The following DBH variants were observed in gnomAD, a reference collection of about 807,000 sequenced individuals.
The protein encoded by DBH is dopamine beta-hydroxylase (dopamine beta-monooxygenase).
Under a neutral mutation model 64.0 loss-of-function variants are expected in DBH, and 49 were observed. That is an observed-to-expected ratio of 0.77 (90% CI 0.61 to 0.97). DBH has a LOEUF of 0.97. Ranked by LOEUF, DBH falls within the 50% of genes least tolerant of loss-of-function variation. The pLI is 0.00. For missense variants in DBH, 828 were observed against 826.6 expected (o/e 1.00, Z -0.02); for synonymous variants, 343 against 347.1 (o/e 0.99, Z 0.13).
chr9:133,648,978 C>T (rs901990397), intron 6 of DBH, among the ~76,000 whole-genome samples: 1 of 152,212 alleles, frequency 6.6e-6, no homozygotes, highest in African/African-American at 2.4e-5. Flanking sequence ...TTGCAAAATG[C>T]CCCTCAGAAA....
At chr9:133,652,018 T>C (rs1228098289) in intron 7 of DBH, among the ~76,000 whole-genome samples, 2 of 152,064 alleles carry the variant, frequency 1.3e-5, no homozygotes, top group Non-Finnish European at 2.9e-5. Context: ...CAGGCGGCCC[T>C]CTGGGAACAT....
At position 133,636,726 on chromosome 9, in the gene DBH, C is replaced by T. The variant is rs746540470; in HGVS notation, c.339+16C>T. 1.1e-5 allele frequency: 18 copies of T among 1,596,842 alleles called. No individual in the cohort carries two copies. Among genetic ancestry groups the T allele is most frequent in the Non-Finnish European group, 1.4e-5 (17 of 1,177,640 alleles). Reference sequence around the variant, plus strand: ...CTATTTTGCGGTGAGTCTCTCCTCCCTGCCAGCTCTCCAAACCCTTCCTGA... The same window carrying T: ...CTATTTTGCGGTGAGTCTCTCCTCCTTGCCAGCTCTCCAAACCCTTCCTGA... On this transcript the variant is annotated intron_variant, in intron 1 of 11. Coordinates refer to ENST00000393056, the MANE Select transcript of DBH (RefSeq NM_000787.4).
chr9:133,643,513 C>T lies in DBH; in HGVS notation c.845C>T (p.Pro282Leu). Residue 282 changes from proline (P) to leucine (L), a missense_variant, in exon 4 of 12, where the codon CCC (proline) becomes CTC (leucine). Physicochemically the swap from Pro to Leu is moderately conservative, Grantham distance 98. Transcript: ENST00000393056. The surrounding 1 kb of genome is among the most constrained non-coding windows in gnomAD (Gnocchi z 5.3). Reference protein sequence around the residue: ...EMDSVPHFSGPCDSKMKPDRL... With the variant: ...EMDSVPHFSGLCDSKMKPDRL... The stretch of plus-strand genomic sequence containing the variant: ...GACAGCGTCCCCCACTTCAGCGGGC[C>T]CTGCGACTCCAAGATGAAACCCGAC... 3 of 1,613,816 alleles carry T rather than the reference C, an allele frequency of 1.9e-6. No homozygotes were observed. In the South Asian group the frequency reaches 3.3e-5, roughly 18 times the overall value.
chr9:133,641,973 G>A (rs1461535206), intron 2 of DBH, among the ~76,000 whole-genome samples: 4 of 152,234 alleles, frequency 2.6e-5, no homozygotes, highest in South Asian at 4.1e-4. Flanking sequence ...GGTGGAATGT[G>A]TTTAGAAGAG....
intron 1 of DBH, 50 bp downstream of exon 1, chr9:133,636,760 C>T: frequency 1.3e-6 from 2 of 1,532,190 alleles, no homozygotes; most frequent in Non-Finnish European, 1.8e-6. Flanking sequence ...GACCCGGCAC[C>T]CCATCTGGCC....
At chr9:133,648,163 C>A in intron 6 of DBH, 151 bp downstream of exon 6, 1 of 917,806 alleles carries the variant, frequency 1.1e-6, no homozygotes, top group Non-Finnish European at 1.7e-6. Context: ...TTTCTGTATG[C>A]AAGGGAACCC....
At position 133,636,523 on chromosome 9, in the gene DBH, T is replaced by A; in HGVS notation, c.152T>A (p.Ile51Asn). 6.2e-7 allele frequency: 1 copy of A among 1,613,110 alleles called. No homozygotes were observed. Among genetic ancestry groups the A allele is most frequent in the Non-Finnish European group, 8.5e-7 (1 of 1,179,930 alleles). Residue 51 changes from isoleucine to asparagine, a missense_variant, in exon 1 of 12, where the codon ATC becomes AAC. By Grantham distance (149) the Ile-to-Asn change is moderately radical. Transcript: ENST00000393056. ...CGTGAGAGCCCCCTCCCCTATCACA[T>A]CCCCCTGGACCCGGAGGGGTCCCTG... ...APRESPLPYH[I>N]PLDPEGSLEL...
intron 5 of DBH, among the ~76,000 whole-genome samples, chr9:133,645,618 G>C (rs1189426219): frequency 2.0e-5 from 3 of 152,150 alleles, no homozygotes; most frequent in Non-Finnish European, 4.4e-5. Flanking sequence ...AATCAGCCTG[G>C]AGATACAGGA....
chr9:133,657,234 G>A lies in DBH; in HGVS notation c.1722+5G>A, dbSNP rs201504077. The A allele has an allele frequency of 3.2e-5, 51 of 1,613,546 alleles. No homozygotes were observed. Among genetic ancestry groups the A allele is most frequent in the Admixed American group, 2.3e-4 (14 of 60,026 alleles). The stretch of plus-strand genomic sequence containing the variant: ...TCCTCAGCCGTCCGCTTCCAGGTGC[G>A]CTGCCATGGGCCCGGGTGGGGCATG... On this transcript the variant is annotated splice_donor_5th_base_variant and intron_variant, in intron 11 of 11. Transcript: ENST00000393056.
At chr9:133,640,254 C>A (rs1052484524) in intron 2 of DBH, among the ~76,000 whole-genome samples, 2 of 152,202 alleles carry the variant, frequency 1.3e-5, no homozygotes, top group East Asian at 1.9e-4. Context: ...TTTCTAGATG[C>A]GGGGCTTGTG....
chr9:133,644,091 C>T (rs1588348663), intron 4 of DBH, 127 bp from the exon 5 acceptor site: 1 of 775,964 alleles, frequency 1.3e-6, no homozygotes, highest in African/African-American at 1.7e-5. Flanking sequence ...AAGCATCGCT[C>T]TAATCCTGCT....
rs1202608526 is a variant in DBH at position 133,657,431 on chromosome 9, GAGGA to G, written c.1722+203_1722+206del. The G allele has an allele frequency of 4.0e-4, 188 of 464,814 alleles. 3 individuals are homozygous for G. The highest frequency in any genetic ancestry group is 2.5e-3 in the South Asian group (115 of 45,678). 28.8% of individuals were successfully genotyped at this position (464,814 alleles called of 1,614,324 possible). ...GAGGAGAGAGGAGAGAGAGGAGAGA[GAGGA>G]GAGAGAGGAGAGAGAGGAGAGAGGG... is the stretch of plus-strand genomic sequence containing the variant. On this transcript the variant is annotated intron_variant, in intron 11 of 11. Coordinates refer to ENST00000393056, the MANE Select transcript of DBH (RefSeq NM_000787.4).
chr9:133,655,539 G>A (rs962902543), intron 9 of DBH: 1 of 152,320 alleles, frequency 6.6e-6, no homozygotes, highest in African/African-American at 2.4e-5. Flanking sequence ...GGGCAGAACT[G>A]TCCCATGCTC....
At chr9:133,648,403 G>A (rs1053590584) in intron 6 of DBH, among the ~76,000 whole-genome samples, 2 of 152,232 alleles carry the variant, frequency 1.3e-5, no homozygotes, top group Admixed American at 6.5e-5. Flanking sequence ...CCACTTCTTG[G>A]CTCTTTGTGT....
chr9:133,643,385 C>T lies in DBH; in HGVS notation c.745-28C>T. 5 of 1,613,290 alleles carry T rather than the reference C, an allele frequency of 3.1e-6. No individual in the cohort carries two copies. Among genetic ancestry groups the T allele is most frequent in the Non-Finnish European group, 4.2e-6 (5 of 1,179,874 alleles). On this transcript the variant is annotated intron_variant, in intron 3 of 11. Coordinates refer to ENST00000393056, the MANE Select transcript of DBH (RefSeq NM_000787.4). The surrounding 1 kb of genome is among the most constrained non-coding windows in gnomAD (Gnocchi z 5.3). ...GGAGGGGAGGGTGGGCGGCCGGTTC[C>T]CGGGCTCAGAGGGCTGCCTCCTCAC...
chr9:133,647,862 A>G lies in DBH; in HGVS notation c.1041A>G (p.Ser347=), dbSNP rs747988228. The G allele has an allele frequency of 6.2e-7, 1 of 1,614,194 alleles. No homozygotes were observed. The highest frequency in any genetic ancestry group is 1.1e-5 in the South Asian group (1 of 91,084). Residue 347 remains serine, a synonymous_variant, in exon 6 of 12, where the codon TCA becomes TCG. Transcript: ENST00000393056. ...PLVIEGRNDS[S]GIRLYYTAKL... is the part of the protein sequence containing the mutation. ...TTCTCCCAGGACGAAACGACTCCTC[A>G]GGCATCCGCTTGTACTACACAGCCA...
Position 133,658,411 on chromosome 9 carries a change from C to A in DBH, c.1818C>A (p.Gly606=). The A allele has an allele frequency of 6.2e-7, 1 of 1,613,310 alleles. No homozygotes were observed. The highest frequency in any genetic ancestry group is 8.5e-7 in the Non-Finnish European group (1 of 1,179,540). ...CPTSQGRSPA[G]PTVVSIGGGK... ...CCAGCCAGGGCCGAAGCCCTGCTGG[C>A]CCCACCGTTGTCAGCATTGGTGGGG... is the stretch of plus-strand genomic sequence containing the variant. Residue 606 remains glycine (G), a synonymous_variant, in exon 12 of 12, where the codon GGC becomes GGA. Coordinates refer to ENST00000393056, the MANE Select transcript of DBH (RefSeq NM_000787.4).
chr9:133,639,629 G>A (rs138859254), intron 1 of DBH, among the ~76,000 whole-genome samples: 1 of 152,302 alleles, frequency 6.6e-6, no homozygotes, highest in Non-Finnish European at 1.5e-5. Context: ...CTCCACTGTC[G>A]GGGCTCATCT....
chr9:133,636,668 T>A lies in DBH; in HGVS notation c.297T>A (p.Asp99Glu), dbSNP rs1466027059. The stretch of plus-strand genomic sequence containing the variant: ...ACCGTGGCGAGCTTGAGAACGCAGA[T>A]CTCGTGGTGCTCTGGACCGATGGGG... ...MSDRGELENA[D>E]LVVLWTDGDT... is the part of the protein sequence containing the mutation. The change falls in exon 1 of 12, where the codon GAT (aspartate) becomes GAA (glutamate). Residue 99 changes from aspartate (D) to glutamate (E), a missense_variant. By Grantham distance (45) the Asp-to-Glu change is conservative. Coordinates refer to ENST00000393056, the MANE Select transcript of DBH (RefSeq NM_000787.4). The A allele has an allele frequency of 6.2e-7, 1 of 1,609,140 alleles. No individual in the cohort carries two copies. Among genetic ancestry groups the A allele is most frequent in the Non-Finnish European group, 8.5e-7 (1 of 1,179,992 alleles).
Sources: gnomAD v4.1 joint callset for allele counts (sites outside exome capture counted in the v4.1 genomes callset) on GRCh38, gnomAD v4.1.1 for gene constraint, Gnocchi (gnomAD v3.1) non-coding constraint, MANE v1.5 for transcripts, NCBI Gene and HGNC (gene_info 2026-07-23, HGNC 2026-07-21) for gene names.